Variants in SLCO1B1 observed in about 807,000 individuals in gnomAD.
The protein encoded by SLCO1B1 is solute carrier organic anion transporter family member 1B1.
A neutral mutation model predicts 70.1 loss-of-function variants in SLCO1B1; 81 were observed. The observed-to-expected ratio is 1.16, with a 90% CI of 0.97 to 1.39. SLCO1B1 has a LOEUF of 1.39. Among genes scored for constraint, SLCO1B1 ranks in the 40% most tolerant of loss-of-function variants. SLCO1B1 has a pLI of 0.00. For missense variants in SLCO1B1, 895 were observed against 799.6 expected, an observed-to-expected ratio of 1.12 and a Z score of -1.44; for synonymous variants, 283 against 271.5, an observed-to-expected ratio of 1.04 and a Z score of -0.42.
intron 10 of SLCO1B1, 84 bp from the exon 11 acceptor site, chr12:21,205,784 A>G (rs1054468906): frequency 1.6e-5 from 16 of 1,003,660 alleles, no homozygotes; most frequent in Middle Eastern, 3.1e-4. Flanking sequence ...CTCTGCTTTC[A>G]CTTTACTTCT....
chr12:21,200,115 T>C (rs1252131266), intron 8 of SLCO1B1, among the ~76,000 whole-genome samples: 1 of 152,134 alleles, frequency 6.6e-6, no homozygotes, highest in East Asian at 1.9e-4. Flanking sequence ...CTTTTGTTTT[T>C]TGAACAATTA....
At chr12:21,151,655 C>G (rs1218983931) in intron 2 of SLCO1B1, among the ~76,000 whole-genome samples, 2 of 152,094 alleles carry the variant, frequency 1.3e-5, no homozygotes, top group African/African-American at 4.8e-5. Flanking sequence ...TTTTATCTTT[C>G]TGTAAAGAAC....
chr12:21,191,184 G>A (rs899083574), intron 7 of SLCO1B1, among the ~76,000 whole-genome samples: 1 of 151,884 alleles, frequency 6.6e-6, no homozygotes, highest in Non-Finnish European at 1.5e-5. Flanking sequence ...ATACTATTGG[G>A]CTTTTGATAG....
chr12:21,208,026 T>C (rs1250750673), intron 11 of SLCO1B1, among the ~76,000 whole-genome samples: 2 of 152,026 alleles, frequency 1.3e-5, no homozygotes, highest in African/African-American at 4.8e-5. Context: ...AAGTTTCTTA[T>C]AGATTCTGGA....
intron 2 of SLCO1B1, among the ~76,000 whole-genome samples, chr12:21,142,137 G>A (rs1422592090): frequency 6.6e-6 from 1 of 151,488 alleles, no homozygotes; most frequent in Non-Finnish European, 1.5e-5. Flanking sequence ...TGGAACGGAG[G>A]TCTATGATAG....
chr12:21,134,737 A>T (rs1000268564), intron 1 of SLCO1B1, among the ~76,000 whole-genome samples: 3 of 152,070 alleles, frequency 2.0e-5, no homozygotes, highest in Admixed American at 6.6e-5. Context: ...CTTCTTTATT[A>T]GTCTTGCTAG....
chr12:21,239,034 A>G lies in SLCO1B1; in HGVS notation c.1921A>G (p.Ile641Val). The G allele has an allele frequency of 6.3e-7, 1 of 1,589,022 alleles. No individual in the cohort carries two copies. The highest frequency in any genetic ancestry group is 8.6e-7 in the Non-Finnish European group (1 of 1,159,396). ...AAGAGTCTCATCACTTGTTTTATATATTATATTAATTTATGCCATGAAGAA... is the reference window on the plus strand; with the variant it reads ...AAGAGTCTCATCACTTGTTTTATATGTTATATTAATTTATGCCATGAAGAA... Reference protein sequence around the residue: ...MLRVSSLVLYIILIYAMKKKY... With the variant: ...MLRVSSLVLYVILIYAMKKKY... Residue 641 changes from isoleucine to valine, a missense_variant, in exon 15 of 15, where the codon ATT (isoleucine) becomes GTT (valine). Transcript: ENST00000256958.
intron 13 of SLCO1B1, among the ~76,000 whole-genome samples, chr12:21,222,690 T>C (rs1941443001): frequency 6.6e-6 from 1 of 152,024 alleles, no homozygotes; most frequent in South Asian, 2.1e-4. Flanking sequence ...AGATAGATGG[T>C]CCTCCAAATT....
intron 2 of SLCO1B1, among the ~76,000 whole-genome samples, chr12:21,167,057 C>T (rs1940694783): frequency 6.6e-6 from 1 of 152,104 alleles, no homozygotes; most frequent in Admixed American, 6.6e-5. Context: ...ATGTTACCTA[C>T]TATATGATTC....
At position 21,176,910 on chromosome 12, in the gene SLCO1B1, A is replaced by G. The variant is rs762304546; in HGVS notation, c.481+13A>G. On this transcript the variant is annotated intron_variant, in intron 5 of 14. Coordinates refer to ENST00000256958, the MANE Select transcript of SLCO1B1 (RefSeq NM_006446.5). ...ATAGTGGGAAAAGGTAAGAATTAAT[A>G]TTGACAGTAAAAAGTCTTCTAAAAT... The G allele has an allele frequency of 7.1e-6, 11 of 1,538,890 alleles. 1 individual carries two copies. The highest frequency in any genetic ancestry group is 2.2e-5 in the South Asian group (2 of 90,174).
chr12:21,230,026 AGG>A (rs1406514611), intron 14 of SLCO1B1, among the ~76,000 whole-genome samples: 1 of 152,152 alleles, frequency 6.6e-6, no homozygotes, highest in East Asian at 1.9e-4. Flanking sequence ...GATCAAGTTG[AGG>A]AGGTTCTCCC....
intron 13 of SLCO1B1, among the ~76,000 whole-genome samples, chr12:21,222,674 A>T (rs1165434172): frequency 3.3e-5 from 5 of 151,914 alleles, no homozygotes; most frequent in African/African-American, 1.2e-4. Flanking sequence ...ACTCTTTCAA[A>T]CACAAAGATA....
At chr12:21,160,199 A>G (rs527241871) in intron 2 of SLCO1B1, among the ~76,000 whole-genome samples, 1 of 152,120 alleles carries the variant, frequency 6.6e-6, no homozygotes, top group South Asian at 2.1e-4. Context: ...ATAAAGCTAG[A>G]GACATCATGC....
chr12:21,187,503 T>A (rs1809133645), intron 7 of SLCO1B1, among the ~76,000 whole-genome samples: 1 of 151,882 alleles, frequency 6.6e-6, no homozygotes, highest in South Asian at 2.1e-4. Context: ...CACCACAACA[T>A]CTCTAATTCA....
intron 11 of SLCO1B1, among the ~76,000 whole-genome samples, chr12:21,209,153 A>C (rs1591821170): frequency 6.6e-6 from 1 of 151,934 alleles, no homozygotes; most frequent in East Asian, 1.9e-4. Context: ...GGTGCACTGA[A>C]CCCACTAACT....
chr12:21,183,773 C>T (rs562747847), intron 7 of SLCO1B1, among the ~76,000 whole-genome samples: 1 of 152,254 alleles, frequency 6.6e-6, no homozygotes, highest in South Asian at 2.1e-4. Flanking sequence ...AAATGACAGA[C>T]AGGCAATTCG....
chr12:21,199,628 T>G (rs761852618), intron 8 of SLCO1B1, among the ~76,000 whole-genome samples: 1 of 152,114 alleles, frequency 6.6e-6, no homozygotes, highest in South Asian at 2.1e-4. Context: ...CTTTAAGAAT[T>G]TTGAACCTCA....
intron 13 of SLCO1B1, among the ~76,000 whole-genome samples, chr12:21,223,742 CA>C (rs4149104): frequency 4.0e-5 from 6 of 150,650 alleles, no homozygotes; most frequent in African/African-American, 1.2e-4. Flanking sequence ...CACCACAATA[CA>C]AAAAAAAACA....
chr12:21,192,769 G>T (rs1488542590), intron 7 of SLCO1B1, among the ~76,000 whole-genome samples: 2 of 151,972 alleles, frequency 1.3e-5, no homozygotes, highest in Non-Finnish European at 2.9e-5. Context: ...GATGCTACTA[G>T]TGACCATAAA....
Sources: allele counts gnomAD v4.1 joint callset (sites outside exome capture counted in the v4.1 genomes callset), GRCh38; gene constraint gnomAD v4.1.1; transcripts MANE v1.5; gene names NCBI Gene and HGNC (gene_info 2026-07-23, HGNC 2026-07-21).